The following RCSD1 variants were observed in gnomAD, a reference collection of about 807,000 sequenced individuals.
RCSD1 encodes the protein RCSD domain containing 1.
Under a neutral mutation model 42.5 loss-of-function variants are expected in RCSD1, and 26 were observed. The ratio of observed to expected loss-of-function variants is 0.61; its 90% CI spans 0.45 to 0.85. RCSD1 has a LOEUF of 0.85. RCSD1 is among the 40% of genes least tolerant of loss of function. The pLI is 0.00. For missense variants in RCSD1, 571 were observed against 528.3 expected (o/e 1.08, Z -0.79); for synonymous variants, 220 against 212.2 (o/e 1.04, Z -0.32).
chr1:167,652,248 C>T (rs2102207781), intron 1 of RCSD1, among the ~76,000 whole-genome samples: 2 of 152,290 alleles, frequency 1.3e-5, no homozygotes, highest in South Asian at 2.1e-4. Flanking sequence ...TCTCAAACTC[C>T]TGGCCTCAGG....
At position 167,694,195 on chromosome 1, in the gene RCSD1, T is replaced by C; in HGVS notation, c.367T>C (p.Ser123Pro). 6.2e-7 allele frequency: 1 copy of C among 1,614,182 alleles called. No homozygotes were observed. The highest frequency in any genetic ancestry group is 8.5e-7 in the Non-Finnish European group (1 of 1,180,018). The change falls in exon 5 of 7, where the codon TCT (serine) becomes CCT (proline). Residue 123 changes from serine to proline, a missense_variant. Coordinates refer to ENST00000367854, the MANE Select transcript of RCSD1 (RefSeq NM_052862.4). ...GGTGTCGCCATTTCACAGCCCACCT[T>C]CTACCCCCAGCAGCCCTGGTGTGCG... is the stretch of plus-strand genomic sequence containing the variant. ...AMVSPFHSPP[S>P]TPSSPGVRSR... is the part of the protein sequence containing the mutation.
At chr1:167,692,855 C>A (rs539701054) in intron 4 of RCSD1, among the ~76,000 whole-genome samples, 8 of 152,288 alleles carry the variant, frequency 5.3e-5, no homozygotes, top group African/African-American at 1.4e-4. Context: ...CATAGGAGTT[C>A]TCCAGGACAG....
chr1:167,703,448 G>A (rs1328016874), intron 6 of RCSD1, among the ~76,000 whole-genome samples: 2 of 152,302 alleles, frequency 1.3e-5, no homozygotes, highest in South Asian at 4.1e-4. Flanking sequence ...GAGCCCAGGA[G>A]CTGGAGACCA....
intron 1 of RCSD1, among the ~76,000 whole-genome samples, chr1:167,665,209 A>T (rs922877856): frequency 6.6e-6 from 1 of 152,156 alleles, no homozygotes; most frequent in African/African-American, 2.4e-5. Context: ...TGTAAATAGA[A>T]CCATACGGGA....
At chr1:167,701,457 C>T (rs1344356884) in intron 6 of RCSD1, among the ~76,000 whole-genome samples, 4 of 152,034 alleles carry the variant, frequency 2.6e-5, no homozygotes, top group Non-Finnish European at 5.9e-5. Context: ...AAGCCCGCAC[C>T]ACCATGCCAG....
At chr1:167,676,395 T>A (rs1189894395) in intron 1 of RCSD1, among the ~76,000 whole-genome samples, 2 of 152,170 alleles carry the variant, frequency 1.3e-5, no homozygotes, top group Admixed American at 6.5e-5. Context: ...AACCAAAGGA[T>A]GATAGATGTT....
chr1:167,687,974 A>C (rs1659276342), intron 3 of RCSD1, among the ~76,000 whole-genome samples: 2 of 152,200 alleles, frequency 1.3e-5, no homozygotes, highest in African/African-American at 4.8e-5. Flanking sequence ...TAGACGTGGT[A>C]ATAATGTCAT....
chr1:167,654,056 C>G (rs1306015662), intron 1 of RCSD1, among the ~76,000 whole-genome samples: 1 of 152,178 alleles, frequency 6.6e-6, no homozygotes. Context: ...GATCATAATG[C>G]TTGGCTGGTT....
chr1:167,687,359 C>T (rs904875670), intron 3 of RCSD1, among the ~76,000 whole-genome samples: 7 of 145,340 alleles, frequency 4.8e-5, no homozygotes, highest in African/African-American at 2.0e-4. Context: ...CCCGTCTCTA[C>T]TAAAAATACA....
chr1:167,645,722 G>A (rs957917752), intron 1 of RCSD1, among the ~76,000 whole-genome samples: 2 of 152,216 alleles, frequency 1.3e-5, no homozygotes, highest in African/African-American at 4.8e-5. Context: ...TAAGCGACTA[G>A]AGTGGAAGAC....
intron 1 of RCSD1, among the ~76,000 whole-genome samples, chr1:167,639,686 G>T (rs911560428): frequency 1.3e-5 from 2 of 152,166 alleles, no homozygotes; most frequent in Non-Finnish European, 2.9e-5. Context: ...TAGAGACGGG[G>T]TTTCACCATG....
intron 1 of RCSD1, among the ~76,000 whole-genome samples, chr1:167,635,324 C>A (rs1209893677): frequency 1.3e-5 from 2 of 152,130 alleles, no homozygotes; most frequent in African/African-American, 4.8e-5. Flanking sequence ...CTCTCTGGCT[C>A]CCGCGTGTTC....
intron 3 of RCSD1, among the ~76,000 whole-genome samples, chr1:167,689,078 A>G (rs67631316): frequency 0.19 from 29,398 of 152,126 alleles, 5,512 homozygotes; most frequent in African/African-American, 0.49. Context: ...TGATTATGTA[A>G]CACATGCATC....
chr1:167,696,338 CTT>C (rs201463055), intron 5 of RCSD1, among the ~76,000 whole-genome samples: 1,845 of 151,968 alleles, frequency 0.012, 43 homozygotes, highest in African/African-American at 0.043. Context: ...AAGTCTGACT[CTT>C]ATGCAAAATA....
rs762370479 is a variant in RCSD1, at chr1:167,630,385, G to A, written c.-39G>A. 35 of 1,503,228 alleles carry A rather than the reference G, an allele frequency of 2.3e-5. No homozygotes were observed. The highest frequency in any genetic ancestry group is 3.1e-5 in the Non-Finnish European group (35 of 1,121,008). The allele number at this position is 1,503,228 out of a possible 1,614,324, so 93.1% of individuals were successfully genotyped here. On this transcript the variant is annotated 5_prime_UTR_variant, in exon 1 of 7. Transcript: ENST00000367854. ...GGGGATCGTGAGCTCCGGCCCGGGC[G>A]AGCGGGTGCGTCTGCCGCAGAGTCG...
In RCSD1 at chr1:167,694,316, C is replaced by T; in HGVS notation, c.474+14C>T. ...TGTTACAACAAGGTAAATTCTAGCT[C>T]CAGATTATGGCGGTGTGTCTGTGGA... On this transcript the variant is annotated intron_variant, in intron 5 of 6. Transcript: ENST00000367854. The T allele has an allele frequency of 1.2e-6, 2 of 1,611,168 alleles. No homozygotes were observed. The highest frequency in any genetic ancestry group is 1.7e-6 in the Non-Finnish European group (2 of 1,178,418).
rs185074052 is a variant in RCSD1, at chr1:167,643,125, A to T, written c.6+12696A>T. Among the ~76,000 whole-genome samples, 558 of 152,338 alleles carry T rather than the reference A, an allele frequency of 3.7e-3. 1 individual carries two copies. Among genetic ancestry groups the T allele is most frequent in the Middle Eastern group, 0.014 (4 of 294 alleles). On this transcript the variant is annotated intron_variant, in intron 1 of 6. Coordinates refer to ENST00000367854, the MANE Select transcript of RCSD1 (RefSeq NM_052862.4). Reference sequence around the variant, plus strand: ...AAGGTTATTTTGAAAAGGAAGTAAGATTATGCATGTAATAAATATCTTATG... The same window carrying T: ...AAGGTTATTTTGAAAAGGAAGTAAGTTTATGCATGTAATAAATATCTTATG...
At chr1:167,667,251 G>T (rs1658683106) in intron 1 of RCSD1, among the ~76,000 whole-genome samples, 1 of 152,166 alleles carries the variant, frequency 6.6e-6, no homozygotes, top group Admixed American at 6.5e-5. Context: ...TCCCTGGGCT[G>T]CAGAGGAGCC....
In RCSD1 at chr1:167,698,863, G is replaced by A. The variant is rs533737299; in HGVS notation, c.1218+1021G>A. Among the ~76,000 whole-genome samples the A allele has an allele frequency of 3.3e-5, 5 of 151,770 alleles. No homozygotes were observed. The South Asian group carries it at 8.3e-4, about 25-fold the overall frequency. ...CGCCCAGGCTGGAGTGCAGTGGCGG[G>A]ATCTCGGCTCACTGCAAGCTCCGCC... On this transcript the variant is annotated intron_variant, in intron 6 of 6. Coordinates refer to ENST00000367854, the MANE Select transcript of RCSD1 (RefSeq NM_052862.4).
Sources: allele counts gnomAD v4.1 joint callset (sites outside exome capture counted in the v4.1 genomes callset), GRCh38; gene constraint gnomAD v4.1.1; transcripts MANE v1.5; gene names NCBI Gene and HGNC (gene_info 2026-07-23, HGNC 2026-07-21).